DNAH17: variants seen among roughly 807,000 people sequenced by gnomAD.
DNAH17 encodes dynein axonemal heavy chain 17.
DNAH17 carries 376 observed loss-of-function variants against 485.6 expected under a neutral mutation model. The ratio of observed to expected loss-of-function variants is 0.77; its 90% CI spans 0.71 to 0.84. DNAH17 has a LOEUF of 0.84. Ranked by LOEUF, DNAH17 falls within the 40% of genes least tolerant of loss-of-function variation. DNAH17 has a pLI of 0.00. For synonymous variants in DNAH17, 3,031 were observed against 2,405.9 expected (o/e 1.26, Z -7.60); for missense variants, 6,370 against 5,839.3 (o/e 1.09, Z -2.96).
At chr17:78,542,665 A>T (rs917971727) in intron 17 of DNAH17, among the ~76,000 whole-genome samples, 1 of 152,158 alleles carries the variant, frequency 6.6e-6, no homozygotes, top group African/African-American at 2.4e-5. Flanking sequence ...TGTGCCAACC[A>T]TGGGGGCTCC....
Position 78,485,032 on chromosome 17 carries a change from C to G in DNAH17, c.7485G>C (p.Gly2495=). ...NFYTTSAMLQ[G]VLEKPLEKKS... ...TCTTCTCCAGCGGCTTCTCCAGCAC[C>G]CCTAGAGAGGGCAGAGGGTCAGCTG... is the stretch of plus-strand genomic sequence containing the variant. The change falls in exon 48 of 81, where the codon GGG becomes GGC. Residue 2495 remains glycine (G), a splice_region_variant and synonymous_variant. Coordinates refer to ENST00000389840, the MANE Select transcript of DNAH17 (RefSeq NM_173628.4). 1 of 1,605,754 alleles carries G rather than the reference C, an allele frequency of 6.2e-7. No homozygotes were observed. The highest frequency in any genetic ancestry group is 8.5e-7 in the Non-Finnish European group (1 of 1,175,956).
At chr17:78,505,175 C>A in intron 31 of DNAH17, 118 bp downstream of exon 31, 1 of 1,334,360 alleles carries the variant, frequency 7.5e-7, no homozygotes, top group Non-Finnish European at 1.0e-6. Flanking sequence ...GGAGCAGGGG[C>A]GGGCTGGCAG....
intron 80 of DNAH17, 35 bp downstream of exon 80, chr17:78,425,311 G>A (rs1160662701): frequency 2.5e-6 from 4 of 1,594,578 alleles, no homozygotes; most frequent in Non-Finnish European, 3.4e-6. Flanking sequence ...CACTGGCTCT[G>A]GAAGCTTCTG....
chr17:78,560,968 G>C (rs1292207404), intron 12 of DNAH17, 33 bp from the exon 13 acceptor site: 4 of 1,534,136 alleles, frequency 2.6e-6, no homozygotes, highest in Non-Finnish European at 3.5e-6. Flanking sequence ...AGGCCCCACT[G>C]GATATCTCCT....
chr17:78,532,708 A>T lies in DNAH17; in HGVS notation c.2888T>A (p.Ile963Lys). The T allele has an allele frequency of 6.3e-7, 1 of 1,591,436 alleles. No individual in the cohort carries two copies. Among genetic ancestry groups the T allele is most frequent in the Non-Finnish European group, 8.6e-7 (1 of 1,167,668 alleles). Residue 963 changes from isoleucine to lysine, a missense_variant, in exon 20 of 81, where the codon ATA (isoleucine) becomes AAA (lysine). By Grantham distance (102) the Ile-to-Lys change is moderately radical. Coordinates refer to ENST00000389840, the MANE Select transcript of DNAH17 (RefSeq NM_173628.4). ...GCTGGACACCTCCTCCCTCATCTCT[A>T]TGAGGTCTGTGTTATCTTCCAGGTC... ...KMDLEDNTDL[I>K]EMREEVSSLV... is the part of the protein sequence containing the mutation.
intron 57 of DNAH17, 138 bp downstream of exon 57, chr17:78,462,706 G>A: frequency 1.3e-6 from 1 of 772,374 alleles, no homozygotes; most frequent in Non-Finnish European, 2.1e-6. Flanking sequence ...GCTTCTCAAA[G>A]GCAGGAAGCG....
chr17:78,452,685 C>A (rs1357828320), intron 65 of DNAH17, among the ~76,000 whole-genome samples: 7 of 152,326 alleles, frequency 4.6e-5, no homozygotes, highest in Admixed American at 2.0e-4. Context: ...CTGCAGTGAG[C>A]AGAGATCGTA....
At chr17:78,424,740 G>C (rs114652336) in intron 80 of DNAH17, among the ~76,000 whole-genome samples, 281 of 152,356 alleles carry the variant, frequency 1.8e-3, no homozygotes, top group African/African-American at 5.5e-3. Flanking sequence ...GGTGACGTCA[G>C]CTGTTGAAGG....
chr17:78,499,350 G>A (rs1374396847), intron 36 of DNAH17: 8 of 371,262 alleles, frequency 2.2e-5, no homozygotes, highest in African/African-American at 1.0e-4. Context: ...CAGACCCCAG[G>A]ATGGGGACTT....
In DNAH17 at chr17:78,439,180, G is replaced by A. The variant is rs763485664; in HGVS notation, c.11715C>T (p.Leu3905=). 6.2e-7 allele frequency: 1 copy of A among 1,613,238 alleles called. No homozygotes were observed. Residue 3905 remains leucine (L), a synonymous_variant, in exon 73 of 81, where the codon CTC becomes CTT. Coordinates refer to ENST00000389840, the MANE Select transcript of DNAH17 (RefSeq NM_173628.4). ...GTCCCTGCCCCAGGGACACATTATG[G>A]AGTTTTCCATTGTCTATGGTAAACC... is the stretch of plus-strand genomic sequence containing the variant. The part of the protein sequence containing the change: ...KLGFTIDNGK[L]HNVSLGQGQE...
In DNAH17 at chr17:78,485,764, C is replaced by CAGGGGAGGGA. The variant is rs200138898; in HGVS notation, c.7276-17_7276-8dup. 7,108 of 1,611,548 alleles carry CAGGGGAGGGA rather than the reference C, an allele frequency of 4.4e-3. 305 individuals carry two copies. The African/African-American group carries it at 0.084, about 19-fold the overall frequency. On this transcript the variant is annotated splice_region_variant and splice_polypyrimidine_tract_variant and intron_variant, in intron 46 of 80. Coordinates refer to ENST00000389840, the MANE Select transcript of DNAH17 (RefSeq NM_173628.4). The stretch of plus-strand genomic sequence containing the variant: ...TGGTGTGGACCAAAGAGGCCTGGGG[C>CAGGGGAGGGA]AGGGGAGGGAAGGGGAGGGAGCTGT...
Position 78,530,356 on chromosome 17 carries a change from G to A in DNAH17, c.3271C>T (p.His1091Tyr), listed in dbSNP as rs1426943577. 1.9e-6 allele frequency: 3 copies of A among 1,608,762 alleles called. No homozygotes were observed. Among genetic ancestry groups the A allele is most frequent in the Non-Finnish European group, 2.6e-6 (3 of 1,175,988 alleles). The part of the protein sequence containing the change: ...GFMFKRHLSN[H>Y]VTNSLADLEA... ...CTGGGGACCCACCTGTTGGTGACGTGGTTGCTCAGGTGCCGCTTGAACATG... is the reference window on the plus strand; with the variant it reads ...CTGGGGACCCACCTGTTGGTGACGTAGTTGCTCAGGTGCCGCTTGAACATG... Residue 1091 changes from histidine to tyrosine, a missense_variant, in exon 21 of 81, where the codon CAC (histidine) becomes TAC (tyrosine). Transcript: ENST00000389840.
chr17:78,561,565 G>T, intron 12 of DNAH17, 150 bp downstream of exon 12: 3 of 944,832 alleles, frequency 3.2e-6, no homozygotes, highest in Non-Finnish European at 4.5e-6. Context: ...GAGGAGGGAG[G>T]ACCAGAAGGG....
intron 14 of DNAH17, among the ~76,000 whole-genome samples, chr17:78,557,022 C>T (rs777423345): frequency 2.6e-5 from 4 of 152,132 alleles, no homozygotes; most frequent in East Asian, 1.9e-4. Flanking sequence ...TGGACGGGAC[C>T]GCCCCCCACC....
chr17:78,567,294 G>A (rs889633861), intron 9 of DNAH17, 128 bp from the exon 10 acceptor site: 5 of 870,510 alleles, frequency 5.7e-6, no homozygotes, highest in African/African-American at 5.1e-5. Context: ...CACCAACCAT[G>A]GGGGTGGGAG....
rs1249539234 is a variant in DNAH17, at chr17:78,566,599, C to G, written c.1569+15G>C. 6.4e-7 allele frequency: 1 copy of G among 1,572,248 alleles called. No homozygotes were observed. Among genetic ancestry groups the G allele is most frequent in the South Asian group, 1.2e-5 (1 of 86,952 alleles). ...CCAGGCTCCAGATCTGCCTGCGTCT[C>G]CACTGCATGCTTACCTTTGCGGAGG... On this transcript the variant is annotated intron_variant, in intron 11 of 80. Transcript: ENST00000389840.
intron 17 of DNAH17, among the ~76,000 whole-genome samples, chr17:78,541,523 G>A (rs2091588517): frequency 6.6e-6 from 1 of 151,832 alleles, no homozygotes; most frequent in African/African-American, 2.4e-5. Flanking sequence ...AGAAGACTTG[G>A]GCTCAAATAA....
At chr17:78,494,894 C>T (rs1198584717) in intron 39 of DNAH17, 65 bp downstream of exon 39, 9 of 1,577,058 alleles carry the variant, frequency 5.7e-6, no homozygotes, top group African/African-American at 1.3e-5. Context: ...TGGAAGCCAA[C>T]CCTGGCTGCT....
chr17:78,481,826 C>A (rs2089362305), intron 48 of DNAH17, among the ~76,000 whole-genome samples: 5 of 152,002 alleles, frequency 3.3e-5, no homozygotes, highest in Admixed American at 1.3e-4. Context: ...ATCAGCCTGG[C>A]TAGCATAGTG....
Sources: allele counts gnomAD v4.1 joint callset (sites outside exome capture counted in the v4.1 genomes callset), GRCh38; gene constraint gnomAD v4.1.1; transcripts MANE v1.5; gene names NCBI Gene and HGNC (gene_info 2026-07-23, HGNC 2026-07-21).